Variants in CDH13 observed in about 807,000 individuals in gnomAD.
CDH13 encodes cadherin 13, also known as cadherin-13.
CDH13 carries 24 observed loss-of-function variants against 63.8 expected under a neutral mutation model. The observed-to-expected ratio is 0.38, with a 90% CI of 0.27 to 0.53. The LOEUF (loss-of-function observed/expected upper bound fraction) is 0.53. Ranked by LOEUF, CDH13 falls within the 20% of genes least tolerant of loss-of-function variation. CDH13 has a pLI of 0.85. For missense variants in CDH13, 1,049 were observed against 903.1 expected (o/e 1.16, Z -2.07); for synonymous variants, 503 against 355.3 (o/e 1.42, Z -4.67).
At chr16:82,843,216 T>A (rs2151136557) in intron 1 of CDH13, among the ~76,000 whole-genome samples, 1 of 152,350 alleles carries the variant, frequency 6.6e-6, no homozygotes, top group South Asian at 2.1e-4. Context: ...TGCCTTTTTG[T>A]GTATATTGAC....
At chr16:83,232,092 T>A (rs562036431) in intron 5 of CDH13, among the ~76,000 whole-genome samples, 1 of 152,126 alleles carries the variant, frequency 6.6e-6, no homozygotes, top group African/African-American at 2.4e-5. Flanking sequence ...GAAACATAAC[T>A]AATGGGTGCT....
At chr16:82,670,743 C>T (rs115338554) in intron 1 of CDH13, among the ~76,000 whole-genome samples, 1,600 of 152,276 alleles carry the variant, frequency 0.011, 27 homozygotes, top group African/African-American at 0.037. Context: ...ATCGTCTCTT[C>T]TAGTAGTCAT....
At chr16:83,121,972 A>ACG (rs1054386801) in intron 3 of CDH13, among the ~76,000 whole-genome samples, 4 of 150,662 alleles carry the variant, frequency 2.7e-5, no homozygotes, top group Non-Finnish European at 5.9e-5. Context: ...TCACACACAC[A>ACG]CACACACACA....
intron 10 of CDH13, among the ~76,000 whole-genome samples, chr16:83,709,115 C>A (rs1251064219): frequency 6.6e-6 from 1 of 152,126 alleles, no homozygotes; most frequent in African/African-American, 2.4e-5. Flanking sequence ...ATCACAAAAG[C>A]AAGTCATTGG....
chr16:82,676,896 G>GTTTTGTTTTGTT (rs370108283), intron 1 of CDH13, among the ~76,000 whole-genome samples: 1 of 147,172 alleles, frequency 6.8e-6, no homozygotes, highest in Non-Finnish European at 1.5e-5. Flanking sequence ...GTTTTGTTTT[G>GTTTTGTTTTGTT]TTTTTTTCAA....
chr16:83,363,943 G>A (rs1049884027), intron 6 of CDH13, among the ~76,000 whole-genome samples: 7 of 152,116 alleles, frequency 4.6e-5, no homozygotes, highest in Non-Finnish European at 8.8e-5. Context: ...GTGGACAGAG[G>A]GGAGTTTGTG....
intron 9 of CDH13, among the ~76,000 whole-genome samples, chr16:83,671,862 G>C (rs935374953): frequency 6.6e-6 from 1 of 152,190 alleles, no homozygotes; most frequent in Non-Finnish European, 1.5e-5. Flanking sequence ...AAATATTAGT[G>C]GGGGTGGTAG....
chr16:82,920,712 T>TC lies in CDH13; in HGVS notation c.157+62244dup, dbSNP rs550292111. ...ATTCTCTCTCACACACTCTCTTTTT[T>TC]CCCCCTCTCTTGGCTTGATTTCACT... On this transcript the variant is annotated intron_variant, in intron 2 of 13. Coordinates refer to ENST00000567109, the MANE Select transcript of CDH13 (RefSeq NM_001257.5). Among the ~76,000 whole-genome samples, 231 of 152,276 alleles carry TC rather than the reference T, an allele frequency of 1.5e-3. 1 individual carries two copies. Among genetic ancestry groups the TC allele is most frequent in the Middle Eastern group, 0.01 (3 of 294 alleles).
chr16:82,992,571 C>T (rs181595721), intron 2 of CDH13, among the ~76,000 whole-genome samples: 1 of 152,050 alleles, frequency 6.6e-6, no homozygotes, highest in Non-Finnish European at 1.5e-5. Flanking sequence ...TGGAACAATA[C>T]CCCAAGGTCA....
intron 2 of CDH13, among the ~76,000 whole-genome samples, chr16:83,003,339 T>C (rs1913136213): frequency 6.6e-6 from 1 of 152,088 alleles, no homozygotes; most frequent in South Asian, 2.1e-4. Flanking sequence ...GCTTTGTGAC[T>C]CCAGGTAGCA....
chr16:83,271,422 T>TAAAAAAAAAAAAAAAAAAA lies in CDH13; in HGVS notation c.636+53937_636+53955dup. Among the ~76,000 whole-genome samples the TAAAAAAAAAAAAAAAAAAA allele has an allele frequency of 2.1e-3, 54 of 26,020 alleles. 14 individuals carry two copies. Among genetic ancestry groups the TAAAAAAAAAAAAAAAAAAA allele is most frequent in the East Asian group, 4.8e-3 (5 of 1,044 alleles). 17.1% of individuals were successfully genotyped at this position (26,020 alleles called of 152,430 possible). A position where few individuals can be genotyped will look rare whatever the true frequency, so the allele number is the denominator to read the frequency against. On this transcript the variant is annotated intron_variant, in intron 5 of 13. Coordinates refer to ENST00000567109, the MANE Select transcript of CDH13 (RefSeq NM_001257.5). ...CTACCGCACATTGAGGCAGAGTTCA[T>TAAAAAAAAAAAAAAAAAAA]AAAAAAAAAAAAAAAAAAAAAAAAA...
At chr16:83,407,799 A>G (rs1352925101) in intron 6 of CDH13, among the ~76,000 whole-genome samples, 1 of 152,206 alleles carries the variant, frequency 6.6e-6, no homozygotes, top group South Asian at 2.1e-4. Context: ...AGCATTGCGC[A>G]TTAGAAGTCT....
chr16:83,697,435 C>A (rs773185798), intron 10 of CDH13, among the ~76,000 whole-genome samples: 1 of 152,228 alleles, frequency 6.6e-6, no homozygotes, highest in African/African-American at 2.4e-5. Context: ...CAGAAGGCTG[C>A]GCCATGCCTT....
chr16:83,501,860 C>G (rs912014088), intron 7 of CDH13, among the ~76,000 whole-genome samples: 4 of 152,210 alleles, frequency 2.6e-5, no homozygotes, highest in African/African-American at 9.7e-5. Context: ...ATTCATTGCT[C>G]CTGGACTTTT....
chr16:82,940,651 C>T (rs539331807), intron 2 of CDH13, among the ~76,000 whole-genome samples: 20 of 152,270 alleles, frequency 1.3e-4, no homozygotes, highest in African/African-American at 4.6e-4. Context: ...AACTAATCAG[C>T]GTCTACGTTT....
intron 2 of CDH13, among the ~76,000 whole-genome samples, chr16:82,872,861 C>T (rs934797865): frequency 6.6e-6 from 1 of 152,122 alleles, no homozygotes; most frequent in Non-Finnish European, 1.5e-5. Flanking sequence ...TTTGCCAGAC[C>T]CTGTGCTAAG....
At chr16:83,120,822 G>T (rs149480248) in intron 3 of CDH13, among the ~76,000 whole-genome samples, 3 of 140,582 alleles carry the variant, frequency 2.1e-5, no homozygotes, top group Non-Finnish European at 3.0e-5. Context: ...GGAGTACAGT[G>T]GCGCGATCTC....
chr16:82,851,511 C>G (rs1567600238), intron 1 of CDH13, among the ~76,000 whole-genome samples: 1 of 151,972 alleles, frequency 6.6e-6, no homozygotes, highest in East Asian at 1.9e-4. Flanking sequence ...GCAGTCTCCC[C>G]TTTTACCTCC....
intron 7 of CDH13, among the ~76,000 whole-genome samples, chr16:83,535,651 G>T (rs1389019872): frequency 6.6e-6 from 1 of 152,206 alleles, no homozygotes; most frequent in Non-Finnish European, 1.5e-5. Flanking sequence ...TGAGCCAACT[G>T]TGCAGTCCTG....
Sources: gnomAD v4.1 joint callset for allele counts (sites outside exome capture counted in the v4.1 genomes callset) on GRCh38, gnomAD v4.1.1 for gene constraint, MANE v1.5 for transcripts, NCBI Gene and HGNC (gene_info 2026-07-23, HGNC 2026-07-21) for gene names.